The following STX5 variants were observed in gnomAD, a reference collection of about 807,000 sequenced individuals.
STX5 encodes the protein syntaxin-5.
STX5 carries 15 observed loss-of-function variants against 42.9 expected under a neutral mutation model. The observed-to-expected ratio is 0.35, with a 90% CI of 0.23 to 0.54. The LOEUF (loss-of-function observed/expected upper bound fraction) is 0.54, where lower values mean the gene tolerates loss of function less well. Among genes scored for constraint, STX5 ranks in the 20% least tolerant of loss-of-function variants. The pLI, the probability that STX5 is intolerant of heterozygous loss-of-function variation, is 0.91. For missense variants in STX5, 430 were observed against 455.0 expected (o/e 0.95, Z 0.50); for synonymous variants, 184 against 173.2 (o/e 1.06, Z -0.49).
chr11:62,808,884 G>A (rs1200141054), intron 10 of STX5, among the ~76,000 whole-genome samples: 1 of 152,054 alleles, frequency 6.6e-6, no homozygotes, highest in African/African-American at 2.4e-5. Context: ...AAAACAAGTT[G>A]ATGTCATGAA....
chr11:62,830,026 T>C (rs934220997), intron 2 of STX5, among the ~76,000 whole-genome samples: 5 of 144,482 alleles, frequency 3.5e-5, no homozygotes, highest in East Asian at 2.0e-4. Flanking sequence ...GATTGCACCA[T>C]TGCACCCCAG....
At chr11:62,813,902 T>C (rs2084644557) in intron 10 of STX5, among the ~76,000 whole-genome samples, 1 of 152,264 alleles carries the variant, frequency 6.6e-6, no homozygotes, top group South Asian at 2.1e-4. Context: ...CCCACTTCCT[T>C]TCACCTTCTC....
At position 62,820,752 on chromosome 11, in the gene STX5, C is replaced by T. The variant is rs182247551; in HGVS notation, c.908+3414G>A. On this transcript the variant is annotated intron_variant, in intron 10 of 10. Coordinates refer to ENST00000294179, the MANE Select transcript of STX5 (RefSeq NM_003164.5). ...GTCTCGATCTCCTGACCTCATGATC[C>T]GCCTGCCTCGGCCTCCCAAAGTGTT... Among the ~76,000 whole-genome samples, 866 of 151,800 alleles carry T rather than the reference C, an allele frequency of 5.7e-3. 6 individuals carry two copies. Among genetic ancestry groups the T allele is most frequent in the East Asian group, 0.023 (117 of 5,014 alleles).
At chr11:62,829,902 A>G (rs978837033) in intron 2 of STX5, among the ~76,000 whole-genome samples, 20 of 151,672 alleles carry the variant, frequency 1.3e-4, no homozygotes, top group African/African-American at 4.8e-4. Context: ...CTCTACTAAA[A>G]AAAAATACAA....
chr11:62,827,021 G>T, intron 5 of STX5, 134 bp downstream of exon 5: 1 of 739,824 alleles, frequency 1.4e-6, no homozygotes. Context: ...CTACACTCCA[G>T]ACTGGTCAAC....
At chr11:62,815,223 G>A (rs1365776958) in intron 10 of STX5, among the ~76,000 whole-genome samples, 1 of 151,850 alleles carries the variant, frequency 6.6e-6, no homozygotes, top group East Asian at 1.9e-4. Context: ...GGCCAAGATG[G>A]TCTTGATCTC....
At chr11:62,812,420 C>A (rs534676643) in intron 10 of STX5, among the ~76,000 whole-genome samples, 6 of 150,894 alleles carry the variant, frequency 4.0e-5, no homozygotes, top group African/African-American at 1.5e-4. Flanking sequence ...CTATAATATT[C>A]TTTTTTTTGG....
intron 5 of STX5, among the ~76,000 whole-genome samples, chr11:62,825,996 T>G (rs560874609): frequency 3.9e-4 from 60 of 152,324 alleles, no homozygotes; most frequent in African/African-American, 1.3e-3. Flanking sequence ...GGCTAATGTC[T>G]GTAAACCCAC....
At position 62,807,617 on chromosome 11, in the gene STX5, T is replaced by C. The variant is rs2084567248; in HGVS notation, c.920A>G (p.Asn307Ser). The change falls in exon 11 of 11, where the codon AAC becomes AGC. Residue 307 changes from asparagine (N) to serine (S), a missense_variant. Asn to Ser is a conservative substitution (Grantham distance 46). Coordinates refer to ENST00000294179, the MANE Select transcript of STX5 (RefSeq NM_003164.5). ...AACGTCCAGCTGGGCTCCTAGCACG[T>C]TCTCGTCGATCCTGGGGACAAGGCC... is the stretch of plus-strand genomic sequence containing the variant. ...QEETIQRIDE[N>S]VLGAQLDVEA... 2 of 1,613,980 alleles carry C rather than the reference T, an allele frequency of 1.2e-6. No individual in the cohort carries two copies. Among genetic ancestry groups the C allele is most frequent in the African/African-American group, 1.3e-5 (1 of 74,912 alleles).
intron 10 of STX5, among the ~76,000 whole-genome samples, chr11:62,819,229 A>G (rs1317643458): frequency 2.8e-4 from 20 of 70,584 alleles, no homozygotes; most frequent in African/African-American, 4.4e-4. Flanking sequence ...TGAAAAAAAA[A>G]AAAAAAAAAA....
intron 3 of STX5, 74 bp from the exon 4 acceptor site, chr11:62,827,472 T>A: frequency 1.9e-6 from 3 of 1,612,916 alleles, no homozygotes; most frequent in South Asian, 1.1e-5. Flanking sequence ...GCATAACCAA[T>A]CCCAGACTTC....
chr11:62,828,762 C>CAAACAAAT (rs1555007925), intron 2 of STX5, among the ~76,000 whole-genome samples: 12 of 148,822 alleles, frequency 8.1e-5, no homozygotes, highest in East Asian at 4.0e-4. Flanking sequence ...AACAAACAAA[C>CAAACAAAT]AAATAAATAA....
chr11:62,817,849 T>C lies in STX5; in HGVS notation c.908+6317A>G, dbSNP rs563939229. The stretch of plus-strand genomic sequence containing the variant: ...ACATAAAATAAATATAAACTTATTA[T>C]ATAAGACATGTACCTGGAAACATAT... On this transcript the variant is annotated intron_variant, in intron 10 of 10. Coordinates refer to ENST00000294179, the MANE Select transcript of STX5 (RefSeq NM_003164.5). Among the ~76,000 whole-genome samples the C allele has an allele frequency of 5.9e-5, 9 of 152,286 alleles. No homozygotes were observed. In the South Asian group the frequency reaches 1.9e-3, roughly 32 times the overall value.
intron 3 of STX5, 76 bp from the exon 4 acceptor site, chr11:62,827,474 C>G: frequency 1.2e-6 from 2 of 1,612,854 alleles, no homozygotes; most frequent in Non-Finnish European, 1.7e-6. Flanking sequence ...ATAACCAATC[C>G]CAGACTTCAC....
intron 7 of STX5, 77 bp from the exon 8 acceptor site, chr11:62,825,194 C>T: frequency 1.2e-6 from 2 of 1,611,454 alleles, no homozygotes; most frequent in Non-Finnish European, 8.5e-7. Context: ...ACCATTGGCC[C>T]CATGACCCTG....
intron 10 of STX5, among the ~76,000 whole-genome samples, chr11:62,818,562 T>A (rs1590968117): frequency 2.2e-5 from 2 of 91,286 alleles, no homozygotes. Flanking sequence ...AAACTCTGTC[T>A]CAGAAAAAAA....
chr11:62,810,110 A>C (rs981231827), intron 10 of STX5, among the ~76,000 whole-genome samples: 2 of 151,258 alleles, frequency 1.3e-5, no homozygotes, highest in African/African-American at 2.4e-5. Context: ...TCTCAAAAAA[A>C]AAAAAAAAAA....
chr11:62,824,124 A>C (rs746641912), intron 10 of STX5, 42 bp downstream of exon 10: 22 of 1,613,470 alleles, frequency 1.4e-5, no homozygotes, highest in Non-Finnish European at 1.9e-5. Context: ...ATCCACGGGG[A>C]AGAGAAAGCT....
chr11:62,817,851 T>C (rs188479239), intron 10 of STX5, among the ~76,000 whole-genome samples: 59 of 152,250 alleles, frequency 3.9e-4, no homozygotes, highest in Admixed American at 3.5e-3. Context: ...ACTTATTATA[T>C]AAGACATGTA....
Sources: allele counts gnomAD v4.1 joint callset (sites outside exome capture counted in the v4.1 genomes callset), GRCh38; gene constraint gnomAD v4.1.1; transcripts MANE v1.5; gene names NCBI Gene and HGNC (gene_info 2026-07-23, HGNC 2026-07-21).